Variants in MARCHF7 observed in about 807,000 individuals in gnomAD.
The protein encoded by MARCHF7 is membrane associated ring-CH-type finger 7.
A neutral mutation model predicts 76.5 loss-of-function variants in MARCHF7; 20 were observed. The ratio of observed to expected loss-of-function variants is 0.26; its 90% CI spans 0.18 to 0.38. MARCHF7 has a LOEUF of 0.38. MARCHF7 is among the 10% of genes least tolerant of loss of function. The pLI, the probability that MARCHF7 is intolerant of heterozygous loss-of-function variation, is 1.00. For synonymous variants in MARCHF7, 295 were observed against 293.0 expected (o/e 1.01, Z -0.07); for missense variants, 797 against 812.9 (o/e 0.98, Z 0.24).
intron 3 of MARCHF7, among the ~76,000 whole-genome samples, chr2:159,717,661 C>T (rs1320292580): frequency 2.0e-5 from 3 of 152,154 alleles, no homozygotes. Flanking sequence ...GAATTATTCT[C>T]CTTAGGACTT....
intron 1 of MARCHF7, among the ~76,000 whole-genome samples, chr2:159,713,907 A>ATAGT (rs1448020905): frequency 5.3e-5 from 8 of 152,174 alleles, no homozygotes; most frequent in Non-Finnish European, 1.0e-4. Context: ...AGGGGACATA[A>ATAGT]TACTAGTCTT....
intron 3 of MARCHF7, among the ~76,000 whole-genome samples, chr2:159,723,531 G>A (rs902656656): frequency 1.3e-5 from 2 of 152,082 alleles, no homozygotes; most frequent in African/African-American, 4.8e-5. Flanking sequence ...CAAAGGCAGT[G>A]CCCCTCTGCT....
At chr2:159,755,570 G>T (rs568857598) in intron 8 of MARCHF7, among the ~76,000 whole-genome samples, 5 of 152,248 alleles carry the variant, frequency 3.3e-5, no homozygotes, top group African/African-American at 9.6e-5. Flanking sequence ...TATAGGTATC[G>T]TTAGTCAGGA....
chr2:159,725,411 A>G (rs1000279255), intron 3 of MARCHF7, among the ~76,000 whole-genome samples: 5 of 152,094 alleles, frequency 3.3e-5, no homozygotes, highest in African/African-American at 7.2e-5. Flanking sequence ...TGTGGTTTTG[A>G]TTTGCATTTC....
intron 3 of MARCHF7, among the ~76,000 whole-genome samples, chr2:159,727,955 CA>C (rs1702364130): frequency 1.3e-5 from 2 of 152,174 alleles, no homozygotes; most frequent in Non-Finnish European, 2.9e-5. Context: ...CTCAGTTCCA[CA>C]AAATAACATT....
chr2:159,749,789 T>C (rs11888405), intron 7 of MARCHF7, among the ~76,000 whole-genome samples: 4,278 of 152,078 alleles, frequency 0.028, 224 homozygotes, highest in African/African-American at 0.098. Context: ...TTTAACCGGG[T>C]TGGAATACAT....
At chr2:159,745,063 T>C (rs1258309382) in intron 5 of MARCHF7, among the ~76,000 whole-genome samples, 3 of 152,240 alleles carry the variant, frequency 2.0e-5, no homozygotes, top group African/African-American at 2.4e-5. Context: ...CGGATGCCTT[T>C]GATTTTGATA....
intron 11 of MARCHF7, among the ~76,000 whole-genome samples, chr2:159,765,323 G>T (rs1707637266): frequency 6.6e-6 from 1 of 151,950 alleles, no homozygotes; most frequent in African/African-American, 2.4e-5. Context: ...GGGATTATAA[G>T]TGAAGGCACT....
At chr2:159,722,127 T>C (rs1393792617) in intron 3 of MARCHF7, among the ~76,000 whole-genome samples, 1 of 152,140 alleles carries the variant, frequency 6.6e-6, no homozygotes, top group African/African-American at 2.4e-5. Context: ...CTCTTGCTTA[T>C]ACCTTTTTCT....
At position 159,759,266 on chromosome 2, in the gene MARCHF7, A is replaced by G; in HGVS notation, c.1824A>G (p.Lys608=). The G allele has an allele frequency of 6.2e-7, 1 of 1,611,834 alleles. No individual in the cohort carries two copies. The highest frequency in any genetic ancestry group is 8.5e-7 in the Non-Finnish European group (1 of 1,178,316). The change falls in exon 9 of 12, where the codon AAA becomes AAG. Residue 608 remains lysine, a synonymous_variant. Transcript: ENST00000409175. ...CTGTAACCACCTGTGAACTATGTAA[A>G]GAGAAGTTGGAGCTTAACCTGGAGG... The part of the protein sequence containing the change: ...LEAVTTCELC[K]EKLELNLEDF...
At chr2:159,737,279 A>T (rs1166074898) in intron 4 of MARCHF7, among the ~76,000 whole-genome samples, 2 of 152,246 alleles carry the variant, frequency 1.3e-5, no homozygotes, top group African/African-American at 2.4e-5. Context: ...ATCTTACTGG[A>T]TACTGAGACT....
chr2:159,723,722 T>A (rs1329014616), intron 3 of MARCHF7, among the ~76,000 whole-genome samples: 2 of 152,230 alleles, frequency 1.3e-5, no homozygotes, highest in African/African-American at 2.4e-5. Context: ...TATGTAAATA[T>A]TAAAGAGCTC....
At chr2:159,729,281 G>A (rs899589461) in intron 4 of MARCHF7, 106 bp downstream of exon 4, 1 of 791,658 alleles carries the variant, frequency 1.3e-6, no homozygotes, top group South Asian at 3.3e-5. Context: ...GAGGCATCCT[G>A]TAATCAAAAC....
intron 3 of MARCHF7, among the ~76,000 whole-genome samples, chr2:159,723,070 A>G (rs1701805920): frequency 6.6e-6 from 1 of 152,238 alleles, no homozygotes. Context: ...GATTGCAAAT[A>G]CAGTCCCTTT....
chr2:159,716,138 CT>C (rs56789234), intron 3 of MARCHF7, among the ~76,000 whole-genome samples: 2 of 151,070 alleles, frequency 1.3e-5, no homozygotes, highest in Non-Finnish European at 2.9e-5. Flanking sequence ...TTAAGGGAGA[CT>C]TTTTTTTAAG....
Position 159,767,317 on chromosome 2 carries a change from A to G in MARCHF7, c.2090A>G (p.His697Arg), listed in dbSNP as rs1560033517. 1.2e-6 allele frequency: 2 copies of G among 1,611,694 alleles called. No homozygotes were observed. The highest frequency in any genetic ancestry group is 1.7e-6 in the Non-Finnish European group (2 of 1,178,342). Residue 697 changes from histidine to arginine, a missense_variant, in exon 12 of 12, where the codon CAT (histidine) becomes CGT (arginine). Transcript: ENST00000409175. The stretch of plus-strand genomic sequence containing the variant: ...GATGATTCCGAAGAAGACGGAGACC[A>G]TAACAGGACATTTGATATTGCCTAA... ...SEDDSEEDGD[H>R]NRTFDIA
intron 3 of MARCHF7, 122 bp from the exon 4 acceptor site, chr2:159,728,887 G>C (rs3732289): frequency 0.35 from 175,184 of 505,078 alleles, 31,093 homozygotes; most frequent in South Asian, 0.44. Context: ...CACAATTTAC[G>C]TTGTCAGATA....
At chr2:159,716,083 C>T (rs1174288715) in intron 3 of MARCHF7, among the ~76,000 whole-genome samples, 2 of 150,644 alleles carry the variant, frequency 1.3e-5, no homozygotes, top group African/African-American at 5.0e-5. Context: ...AAGATTTGGG[C>T]ATGTCATATT....
chr2:159,759,259 T>G lies in MARCHF7; in HGVS notation c.1817T>G (p.Leu606Arg). The change falls in exon 9 of 12, where the codon CTA (leucine) becomes CGA (arginine). Residue 606 changes from leucine to arginine, a missense_variant. By Grantham distance (102) the Leu-to-Arg change is moderately radical (BLOSUM62 -2). Around this residue, in one of 3 missense-constraint regions of MARCHF7, gnomAD observed 124 missense variants for 121.3 expected, o/e 1.02. Coordinates refer to ENST00000409175, the MANE Select transcript of MARCHF7 (RefSeq NM_001282805.2). ...SSLEAVTTCE[L>R]CKEKLELNLE... is the part of the protein sequence containing the mutation. ...TTAGAAGCTGTAACCACCTGTGAAC[T>G]ATGTAAAGAGAAGTTGGAGCTTAAC... 1 of 1,610,752 alleles carries G rather than the reference T, an allele frequency of 6.2e-7. No homozygotes were observed. Among genetic ancestry groups the G allele is most frequent in the Non-Finnish European group, 8.5e-7 (1 of 1,177,564 alleles).
Sources: allele counts gnomAD v4.1 joint callset (sites outside exome capture counted in the v4.1 genomes callset), GRCh38; gene constraint gnomAD v4.1.1; regional missense constraint gnomAD v4.1.1; transcripts MANE v1.5; gene names NCBI Gene and HGNC (gene_info 2026-07-23, HGNC 2026-07-21).